The following ATP9A variants were observed in gnomAD, a reference collection of about 807,000 sequenced individuals.
ATP9A encodes the protein ATPase phospholipid transporting 9A.
ATP9A carries 52 observed loss-of-function variants against 144.1 expected under a neutral mutation model. That is an observed-to-expected ratio of 0.36 (90% CI 0.29 to 0.45). ATP9A has a LOEUF of 0.45. ATP9A is among the 20% of genes least tolerant of loss of function. The pLI is 1.00. For missense variants in ATP9A, 947 were observed against 1,392.7 expected, an observed-to-expected ratio of 0.68 and a Z score of 5.09; for synonymous variants, 582 against 557.4, an observed-to-expected ratio of 1.04 and a Z score of -0.62.
At chr20:51,742,642 G>T (rs2122890679) in intron 1 of ATP9A, among the ~76,000 whole-genome samples, 1 of 152,220 alleles carries the variant, frequency 6.6e-6, no homozygotes, top group South Asian at 2.1e-4. Context: ...AGCCACCCAA[G>T]CAGCTGGGAT....
chr20:51,636,049 G>A (rs1304492838), intron 15 of ATP9A, among the ~76,000 whole-genome samples: 1 of 152,116 alleles, frequency 6.6e-6, no homozygotes, highest in Non-Finnish European at 1.5e-5. Context: ...ACATACCTAT[G>A]ATAAAGTTTA....
intron 4 of ATP9A, among the ~76,000 whole-genome samples, chr20:51,710,499 G>C (rs1045371985): frequency 3.3e-5 from 5 of 152,162 alleles, no homozygotes; most frequent in African/African-American, 1.2e-4. Flanking sequence ...CAATCTCCCA[G>C]TTTAGGTTTG....
chr20:51,668,388 T>G (rs140836704), intron 13 of ATP9A, among the ~76,000 whole-genome samples: 241 of 151,976 alleles, frequency 1.6e-3, no homozygotes, highest in Middle Eastern at 3.4e-3. Flanking sequence ...ATGAGCCACA[T>G]GCAGCAATGC....
At chr20:51,720,676 A>T (rs1449612423) in intron 3 of ATP9A, among the ~76,000 whole-genome samples, 1 of 152,202 alleles carries the variant, frequency 6.6e-6, no homozygotes, top group East Asian at 1.9e-4. Context: ...TCTACTAAAA[A>T]TACAAAAATT....
At chr20:51,672,719 A>G (rs2077461210) in intron 11 of ATP9A, among the ~76,000 whole-genome samples, 1 of 152,214 alleles carries the variant, frequency 6.6e-6, no homozygotes, top group Non-Finnish European at 1.5e-5. Context: ...AGTTTCAGGG[A>G]AAAAATATGT....
intron 9 of ATP9A, among the ~76,000 whole-genome samples, chr20:51,681,417 T>A (rs549414065): frequency 1.4e-4 from 19 of 140,332 alleles, no homozygotes; most frequent in Admixed American, 1.1e-3. Context: ...CTATAGCCCA[T>A]CCTAAATTTC....
intron 11 of ATP9A, among the ~76,000 whole-genome samples, chr20:51,671,900 A>G (rs6021365): frequency 0.24 from 37,144 of 151,842 alleles, 4,913 homozygotes; most frequent in Non-Finnish European, 0.28. Flanking sequence ...CCGGGTTCAA[A>G]CGATTCTCAC....
chr20:51,716,865 CT>C (rs900668142), intron 3 of ATP9A, among the ~76,000 whole-genome samples: 1 of 152,150 alleles, frequency 6.6e-6, no homozygotes, highest in African/African-American at 2.4e-5. Context: ...GAAAAGTAGC[CT>C]TGGTTCAAAT....
At chr20:51,649,554 T>G (rs1297530991) in intron 14 of ATP9A, among the ~76,000 whole-genome samples, 6 of 152,178 alleles carry the variant, frequency 3.9e-5, no homozygotes, top group African/African-American at 1.2e-4. Context: ...CAAGGACCTG[T>G]GAAGTCAATG....
At chr20:51,658,605 C>T (rs1472510713) in intron 13 of ATP9A, among the ~76,000 whole-genome samples, 1 of 149,320 alleles carries the variant, frequency 6.7e-6, no homozygotes, top group Non-Finnish European at 1.5e-5. Flanking sequence ...CTGCAATCTC[C>T]GCCTCCTGGG....
intron 2 of ATP9A, among the ~76,000 whole-genome samples, chr20:51,727,834 G>A (rs1029230163): frequency 6.6e-6 from 1 of 151,698 alleles, no homozygotes; most frequent in Non-Finnish European, 1.5e-5. Flanking sequence ...AGGAGGCTGA[G>A]GCAGGAGAAT....
At chr20:51,636,040 C>T (rs945054991) in intron 15 of ATP9A, among the ~76,000 whole-genome samples, 1 of 152,158 alleles carries the variant, frequency 6.6e-6, no homozygotes, top group Non-Finnish European at 1.5e-5. Flanking sequence ...CCTACACATA[C>T]ATACCTATGA....
At chr20:51,750,770 T>C (rs1172885700) in intron 1 of ATP9A, among the ~76,000 whole-genome samples, 1 of 152,156 alleles carries the variant, frequency 6.6e-6, no homozygotes, top group Admixed American at 6.5e-5. Flanking sequence ...AGCTGGAGTC[T>C]GGCAATCTCA....
intron 4 of ATP9A, among the ~76,000 whole-genome samples, chr20:51,707,853 T>TTGTG (rs146098575): frequency 0.012 from 1,798 of 150,520 alleles, 40 homozygotes; most frequent in African/African-American, 0.041. Context: ...TCAACTGTGT[T>TTGTG]TGTGTGTGTG....
At chr20:51,619,153 G>A in intron 19 of ATP9A, 110 bp from the exon 20 acceptor site, 1 of 859,420 alleles carries the variant, frequency 1.2e-6, no homozygotes, top group Non-Finnish European at 1.9e-6. Flanking sequence ...CCAGCCAAGG[G>A]TCCCTCCCCT....
intron 14 of ATP9A, among the ~76,000 whole-genome samples, chr20:51,645,726 T>C (rs529838102): frequency 6.6e-6 from 1 of 152,158 alleles, no homozygotes; most frequent in South Asian, 2.1e-4. Flanking sequence ...GAGGACCAGT[T>C]TAGAAGTGGG....
At chr20:51,663,484 A>C (rs944228111) in intron 13 of ATP9A, among the ~76,000 whole-genome samples, 2 of 152,154 alleles carry the variant, frequency 1.3e-5, no homozygotes, top group African/African-American at 2.4e-5. Context: ...AGAAAACCAC[A>C]CTGACAAAAA....
At chr20:51,686,701 G>A (rs1012995552) in intron 9 of ATP9A, among the ~76,000 whole-genome samples, 2 of 152,162 alleles carry the variant, frequency 1.3e-5, no homozygotes, top group East Asian at 1.9e-4. Flanking sequence ...TTGGGAGGCC[G>A]AGGCAGGTGG....
chr20:51,632,903 A>G (rs2077275358), intron 15 of ATP9A, among the ~76,000 whole-genome samples: 1 of 152,138 alleles, frequency 6.6e-6, no homozygotes, highest in Admixed American at 6.6e-5. Flanking sequence ...CTGGTGGATC[A>G]CCTGAGGTCA....
Sources: allele counts gnomAD v4.1 joint callset (sites outside exome capture counted in the v4.1 genomes callset), GRCh38; gene constraint gnomAD v4.1.1; transcripts MANE v1.5; gene names NCBI Gene and HGNC (gene_info 2026-07-23, HGNC 2026-07-21).